The following ERC1 variants were observed in gnomAD, a reference collection of about 807,000 sequenced individuals.
The protein encoded by ERC1 is ELKS/RAB6-interacting/CAST family member 1.
ERC1 carries 56 observed loss-of-function variants against 132.0 expected under a neutral mutation model. The ratio of observed to expected loss-of-function variants is 0.42; its 90% confidence interval spans 0.34 to 0.53. ERC1 has a LOEUF of 0.53. Ranked by LOEUF, ERC1 falls within the 20% of genes least tolerant of loss-of-function variation. The pLI, the probability that ERC1 is intolerant of heterozygous loss-of-function variation, is 0.03. For missense variants in ERC1, 1,202 were observed against 1,349.9 expected (o/e 0.89, Z 1.72); for synonymous variants, 478 against 476.1 (o/e 1.00, Z -0.05).
chr12:1,164,447 A>G (rs1952195289), intron 8 of ERC1, among the ~76,000 whole-genome samples: 1 of 152,056 alleles, frequency 6.6e-6, no homozygotes, highest in South Asian at 2.1e-4. Context: ...GGTTCACACC[A>G]TTCTCCTGCC....
intron 8 of ERC1, among the ~76,000 whole-genome samples, chr12:1,172,683 T>C (rs1479172095): frequency 2.6e-5 from 4 of 152,170 alleles, no homozygotes. Context: ...GTGATTTCTT[T>C]CTATGTCAGG....
chr12:1,424,864 C>CGATAGATAGATAGATA (rs57661979), intron 17 of ERC1, among the ~76,000 whole-genome samples: 11 of 101,036 alleles, frequency 1.1e-4, no homozygotes, highest in Non-Finnish European at 1.4e-4. Context: ...ATAGATAGAT[C>CGATAGATAGATAGATA]GATAGATAGA....
chr12:1,353,724 T>C (rs1437576924), intron 15 of ERC1, among the ~76,000 whole-genome samples: 3 of 152,336 alleles, frequency 2.0e-5, no homozygotes, highest in East Asian at 1.9e-4. Context: ...TGGTTTTGTT[T>C]TGTGTGATCT....
At chr12:1,468,459 C>T (rs1233855376) in intron 18 of ERC1, among the ~76,000 whole-genome samples, 1 of 152,036 alleles carries the variant, frequency 6.6e-6, no homozygotes, top group Non-Finnish European at 1.5e-5. Flanking sequence ...AAAATTAGCC[C>T]AGCATTGTGT....
At chr12:1,051,554 A>G (rs966721101) in intron 2 of ERC1, among the ~76,000 whole-genome samples, 17 of 145,896 alleles carry the variant, frequency 1.2e-4, no homozygotes, top group Non-Finnish European at 1.7e-4. Context: ...AAAAAAAAAA[A>G]GGGCAGAAGA....
chr12:1,389,754 A>G (rs1397861864), intron 16 of ERC1, among the ~76,000 whole-genome samples: 2 of 152,244 alleles, frequency 1.3e-5, no homozygotes, highest in Non-Finnish European at 2.9e-5. Flanking sequence ...AAGAGTTAAC[A>G]TAAATGTAGT....
At chr12:1,261,333 G>T (rs1397676250) in intron 13 of ERC1, among the ~76,000 whole-genome samples, 1 of 152,052 alleles carries the variant, frequency 6.6e-6, no homozygotes, top group Non-Finnish European at 1.5e-5. Context: ...AATGAGAAAC[G>T]TTATCAACTT....
intron 8 of ERC1, among the ~76,000 whole-genome samples, chr12:1,169,078 G>A (rs993110941): frequency 2.0e-5 from 3 of 152,138 alleles, no homozygotes; most frequent in African/African-American, 7.2e-5. Context: ...TGGTTTCTAG[G>A]TTTTACAAAA....
intron 1 of ERC1, among the ~76,000 whole-genome samples, chr12:1,007,143 T>C (rs1963781536): frequency 6.6e-6 from 1 of 152,170 alleles, no homozygotes; most frequent in Non-Finnish European, 1.5e-5. Context: ...TAAGTGTTAT[T>C]GATACGTGCA....
chr12:1,327,615 C>T (rs2082542581), intron 15 of ERC1, among the ~76,000 whole-genome samples: 1 of 152,144 alleles, frequency 6.6e-6, no homozygotes, highest in African/African-American at 2.4e-5. Flanking sequence ...CCCTTCTCTT[C>T]TTCTATACTT....
chr12:1,475,029 A>G (rs753834458), intron 18 of ERC1, among the ~76,000 whole-genome samples: 2 of 152,252 alleles, frequency 1.3e-5, no homozygotes, highest in Non-Finnish European at 2.9e-5. Flanking sequence ...TGGAACAGCT[A>G]CTAAGAACAG....
intron 8 of ERC1, among the ~76,000 whole-genome samples, chr12:1,167,154 C>T (rs118131602): frequency 1.2e-3 from 188 of 152,320 alleles, no homozygotes; most frequent in East Asian, 2.1e-3. Flanking sequence ...TCAGATCCCT[C>T]TTCTGACAAA....
intron 17 of ERC1, among the ~76,000 whole-genome samples, chr12:1,429,986 G>A (rs568787105): frequency 1.3e-4 from 20 of 152,280 alleles, no homozygotes; most frequent in Middle Eastern, 3.4e-3. Flanking sequence ...ATTCAGCAGC[G>A]TCTTAGCTGG....
chr12:1,367,301 A>G (rs1020838918), intron 15 of ERC1, among the ~76,000 whole-genome samples: 5 of 152,212 alleles, frequency 3.3e-5, no homozygotes, highest in African/African-American at 1.2e-4. Flanking sequence ...GTCCAAAGCT[A>G]CTTATCTTGT....
chr12:1,385,525 A>G (rs1203885280), intron 16 of ERC1, among the ~76,000 whole-genome samples: 1 of 152,020 alleles, frequency 6.6e-6, no homozygotes, highest in Non-Finnish European at 1.5e-5. Context: ...ACCTCGTGAT[A>G]ACGCCCGCCT....
At chr12:1,037,266 T>C (rs1234240691) in intron 2 of ERC1, among the ~76,000 whole-genome samples, 1 of 152,200 alleles carries the variant, frequency 6.6e-6, no homozygotes, top group Non-Finnish European at 1.5e-5. Context: ...TGCAGTGTAG[T>C]GTGTGATCTC....
At chr12:1,177,964 T>C (rs990072089) in intron 8 of ERC1, among the ~76,000 whole-genome samples, 4 of 152,120 alleles carry the variant, frequency 2.6e-5, no homozygotes, top group African/African-American at 9.7e-5. Flanking sequence ...TCAATAGTAG[T>C]GTCTGATTAA....
At chr12:1,358,305 C>T (rs552269726) in intron 15 of ERC1, among the ~76,000 whole-genome samples, 15 of 150,118 alleles carry the variant, frequency 1.0e-4, no homozygotes, top group African/African-American at 3.7e-4. Context: ...CATAATATTT[C>T]TAAGTCCAAT....
intron 3 of ERC1, among the ~76,000 whole-genome samples, chr12:1,096,728 C>T (rs1157662083): frequency 6.6e-6 from 1 of 152,098 alleles, no homozygotes; most frequent in Non-Finnish European, 1.5e-5. Context: ...ATATGGAATG[C>T]ATGTAAGAAA....
Sources: allele counts gnomAD v4.1 joint callset (sites outside exome capture counted in the v4.1 genomes callset), GRCh38; gene constraint gnomAD v4.1.1; transcripts MANE v1.5; gene names NCBI Gene and HGNC (gene_info 2026-07-23, HGNC 2026-07-21).